The following OTC variants were observed in gnomAD, a reference collection of about 807,000 sequenced individuals.
OTC encodes ornithine transcarbamylase.
Under a neutral mutation model 30.3 loss-of-function variants are expected in OTC, and 3 were observed. The ratio of observed to expected loss-of-function variants is 0.10; its 90% CI spans 0.05 to 0.26. The LOEUF (loss-of-function observed/expected upper bound fraction) is 0.26. Ranked by LOEUF, OTC falls within the 10% of genes least tolerant of loss-of-function variation. The pLI is 1.00. For synonymous variants in OTC, 111 were observed against 99.7 expected (o/e 1.11, Z -0.67); for missense variants, 194 against 260.3 (o/e 0.75, Z 1.75).
the OTC span, among the ~76,000 whole-genome samples, chrX:38,331,443 T>TG: frequency 4.5e-4 from 13 of 28,883 alleles, no homozygotes; most frequent in Admixed American, 4.5e-3. Context: ...TTTTTTTTTG[T>TG]TTTTTTTTTT....
At chrX:38,420,979 C>T (rs755297191) in intron 9 of OTC, 44 bp from the exon 10 acceptor site, 5 of 1,012,739 alleles carry the variant, frequency 4.9e-6, no homozygotes, top group African/African-American at 1.9e-5. Context: ...AGCAGACTGT[C>T]GCTAATGTTT....
intron 4 of OTC, among the ~76,000 whole-genome samples, chrX:38,388,725 T>G (rs1031037675): frequency 1.8e-5 from 2 of 112,080 alleles, no homozygotes; most frequent in Admixed American, 1.9e-4. Flanking sequence ...ACCACGTGTA[T>G]GAAAGGCTCC....
chrX:38,406,176 T>C (rs2068515223), intron 6 of OTC, among the ~76,000 whole-genome samples: 1 of 111,883 alleles, frequency 8.9e-6, no homozygotes, highest in African/African-American at 3.2e-5. Context: ...TTCCATCAAT[T>C]TGTAAGTCTT....
intron 2 of OTC, among the ~76,000 whole-genome samples, chrX:38,367,981 G>A (rs1439075348): frequency 9.0e-6 from 1 of 111,369 alleles, no homozygotes; most frequent in Non-Finnish European, 1.9e-5. Context: ...GCATCCCAAA[G>A]TGCTGGGATC....
At chrX:38,353,039 G>A (rs1357003819) in intron 1 of OTC, among the ~76,000 whole-genome samples, 2 of 111,826 alleles carry the variant, frequency 1.8e-5, no homozygotes, top group Non-Finnish European at 3.8e-5. Flanking sequence ...CATTCTAAAC[G>A]AGCAAGTGGC....
chrX:38,361,063 G>A (rs2068268918), intron 1 of OTC, among the ~76,000 whole-genome samples: 1 of 112,133 alleles, frequency 8.9e-6, no homozygotes, highest in African/African-American at 3.2e-5. Context: ...AGTGCCTTTG[G>A]GAGGCTGAGG....
chrX:38,370,614 A>G (rs780227712), intron 3 of OTC, among the ~76,000 whole-genome samples: 1 of 111,713 alleles, frequency 9.0e-6, no homozygotes, highest in Non-Finnish European at 1.9e-5. Context: ...CTGAAGCCTC[A>G]GGAAGTTCAC....
At chrX:38,385,591 A>G (rs1475236549) in intron 4 of OTC, among the ~76,000 whole-genome samples, 2 of 111,842 alleles carry the variant, frequency 1.8e-5, no homozygotes, top group East Asian at 2.8e-4. Flanking sequence ...AGGCAGCAAC[A>G]AGCTGGATGT....
At chrX:38,361,980 TA>T (rs763166260) in intron 1 of OTC, among the ~76,000 whole-genome samples, 2,408 of 106,412 alleles carry the variant, frequency 0.023, 64 homozygotes, top group African/African-American at 0.077. Flanking sequence ...TGCCTGTGTT[TA>T]AAAAAAAAAC....
At chrX:38,338,636 C>G in the OTC span, among the ~76,000 whole-genome samples, 1 of 112,153 alleles carries the variant, frequency 8.9e-6, no homozygotes, top group Non-Finnish European at 1.9e-5. Context: ...TATTTTTAAA[C>G]AAGAGAAATT....
At chrX:38,354,252 A>G (rs1021093402) in intron 1 of OTC, among the ~76,000 whole-genome samples, 2 of 112,204 alleles carry the variant, frequency 1.8e-5, no homozygotes, top group Non-Finnish European at 1.9e-5. Context: ...TCTAGTGATA[A>G]TCAGTGAGAT....
chrX:38,349,143 C>A (rs185288737), upstream of OTC, among the ~76,000 whole-genome samples: 3 of 110,988 alleles, frequency 2.7e-5, no homozygotes, highest in East Asian at 8.6e-4. Flanking sequence ...GGTTTGGGTT[C>A]AAGTAGTTGA....
downstream of OTC, among the ~76,000 whole-genome samples, chrX:38,422,341 G>A (rs2068600071): frequency 2.7e-5 from 3 of 112,015 alleles, no homozygotes; most frequent in South Asian, 1.1e-3. Context: ...AATGTCAAAG[G>A]TGACTTTTGT....
At chrX:38,373,116 C>T (rs2068330593) in intron 3 of OTC, among the ~76,000 whole-genome samples, 1 of 112,165 alleles carries the variant, frequency 8.9e-6, no homozygotes, top group Non-Finnish European at 1.9e-5. Context: ...TTACAGTGAG[C>T]AAACCATTGT....
chrX:38,406,650 T>C (rs1333522676), intron 6 of OTC, among the ~76,000 whole-genome samples: 1 of 112,018 alleles, frequency 8.9e-6, no homozygotes, highest in Non-Finnish European at 1.9e-5. Context: ...TAAAACCTAC[T>C]CTCCAAAGGG....
chrX:38,385,073 C>A (rs766302302), intron 4 of OTC, among the ~76,000 whole-genome samples: 4 of 111,106 alleles, frequency 3.6e-5, no homozygotes, highest in Admixed American at 9.6e-5. Flanking sequence ...AGGTCAGGAC[C>A]AGCCTGGCCA....
intron 1 of OTC, among the ~76,000 whole-genome samples, chrX:38,354,702 G>A (rs1032960068): frequency 1.2e-4 from 13 of 111,186 alleles, no homozygotes; most frequent in African/African-American, 3.6e-4. Context: ...TGAAAGCCTC[G>A]AGTCACCCAT....
chrX:38,359,194 CAT>C (rs760560173), intron 1 of OTC, among the ~76,000 whole-genome samples: 1 of 111,512 alleles, frequency 9.0e-6, no homozygotes, highest in African/African-American at 3.3e-5. Flanking sequence ...GCCCTTGACT[CAT>C]AGTGCTGTGC....
At chrX:38,361,299 C>T (rs983067389) in intron 1 of OTC, among the ~76,000 whole-genome samples, 1 of 84,578 alleles carries the variant, frequency 1.2e-5, no homozygotes, top group African/African-American at 4.0e-5. Context: ...AGCGAGACTC[C>T]GTTAAAAAAA....
Sources: allele counts gnomAD v4.1 joint callset (sites outside exome capture counted in the v4.1 genomes callset), GRCh38; gene constraint gnomAD v4.1.1; transcripts MANE v1.5; gene names NCBI Gene and HGNC (gene_info 2026-07-23, HGNC 2026-07-21).